Variants in CNTN5 observed in about 807,000 individuals in gnomAD.
CNTN5 encodes the protein contactin-5.
CNTN5 carries 77 observed loss-of-function variants against 129.1 expected under a neutral mutation model. That is an observed-to-expected ratio of 0.60 (90% CI 0.50 to 0.72). The LOEUF (loss-of-function observed/expected upper bound fraction) is 0.72, where lower values mean the gene tolerates loss of function less well. Ranked by LOEUF, CNTN5 falls within the 30% of genes least tolerant of loss-of-function variation. CNTN5 has a pLI of 0.00. For missense variants in CNTN5, 1,478 were observed against 1,328.8 expected (o/e 1.11, Z -1.75); for synonymous variants, 509 against 465.6 (o/e 1.09, Z -1.20).
chr11:99,711,348 G>A (rs1210759357), intron 3 of CNTN5, among the ~76,000 whole-genome samples: 2 of 151,786 alleles, frequency 1.3e-5, no homozygotes, highest in Non-Finnish European at 2.9e-5. Flanking sequence ...GTTATTCATG[G>A]TTTAATCACA....
intron 2 of CNTN5, among the ~76,000 whole-genome samples, chr11:99,335,550 A>C (rs1866185460): frequency 6.6e-6 from 1 of 151,986 alleles, no homozygotes; most frequent in African/African-American, 2.4e-5. Flanking sequence ...GAATGGAGAA[A>C]AGTCGAGAAA....
intron 3 of CNTN5, among the ~76,000 whole-genome samples, chr11:99,729,024 A>T (rs1943442209): frequency 6.6e-6 from 1 of 152,192 alleles, no homozygotes; most frequent in African/African-American, 2.4e-5. Flanking sequence ...TAATAGGAGC[A>T]TGTCCTCTGG....
chr11:99,376,234 C>G lies in CNTN5; in HGVS notation c.-71+50750C>G, dbSNP rs1284656185. On this transcript the variant is annotated intron_variant, in intron 2 of 24. Transcript: ENST00000524871. ...AGGGACCCAATGTATCAATGACCTT[C>G]TGCTGACAGAATCAACAATCCCAAA... Among the ~76,000 whole-genome samples the G allele has an allele frequency of 1.3e-5, 2 of 152,164 alleles. 1 individual carries two copies. The highest frequency in any genetic ancestry group is 4.8e-5 in the African/African-American group (2 of 41,440).
intron 2 of CNTN5, among the ~76,000 whole-genome samples, chr11:99,458,113 A>G (rs950878208): frequency 6.6e-6 from 1 of 151,962 alleles, no homozygotes; most frequent in Admixed American, 6.6e-5. Flanking sequence ...TTTGTATTGC[A>G]TCTGTTAATG....
intron 13 of CNTN5, among the ~76,000 whole-genome samples, chr11:100,102,958 T>C (rs1456488448): frequency 6.6e-6 from 1 of 152,160 alleles, no homozygotes; most frequent in Non-Finnish European, 1.5e-5. Context: ...ATATGAGAAT[T>C]CCTCCTACAA....
intron 1 of CNTN5, among the ~76,000 whole-genome samples, chr11:99,084,541 T>C (rs1865923000): frequency 6.6e-6 from 1 of 152,222 alleles, no homozygotes; most frequent in Admixed American, 6.5e-5. Context: ...TTACATGTTA[T>C]GTTTTCAGAC....
At chr11:99,669,390 A>AG (rs1357392316) in intron 3 of CNTN5, among the ~76,000 whole-genome samples, 1 of 152,042 alleles carries the variant, frequency 6.6e-6, no homozygotes, top group Non-Finnish European at 1.5e-5. Context: ...CAAACTAAAT[A>AG]GGAAAGCCTA....
intron 1 of CNTN5, among the ~76,000 whole-genome samples, chr11:99,149,844 A>G (rs1428975838): frequency 6.6e-6 from 1 of 152,086 alleles, no homozygotes; most frequent in Non-Finnish European, 1.5e-5. Flanking sequence ...CATAAGTAAT[A>G]GTAAATATTA....
intron 1 of CNTN5, among the ~76,000 whole-genome samples, chr11:99,126,219 A>G (rs1370334863): frequency 6.6e-6 from 1 of 152,210 alleles, no homozygotes; most frequent in Non-Finnish European, 1.5e-5. Flanking sequence ...TAATTAATCT[A>G]TTAGTGCCTT....
intron 4 of CNTN5, among the ~76,000 whole-genome samples, chr11:99,832,575 A>G (rs1947177187): frequency 6.6e-6 from 1 of 152,210 alleles, no homozygotes; most frequent in Non-Finnish European, 1.5e-5. Context: ...TAAGTTTCAT[A>G]AACTTCATTT....
chr11:100,249,726 C>T (rs78120035), intron 16 of CNTN5, among the ~76,000 whole-genome samples: 8 of 152,010 alleles, frequency 5.3e-5, no homozygotes, highest in African/African-American at 9.7e-5. Context: ...TTTAGGAGAA[C>T]CTTTCCTCCC....
intron 9 of CNTN5, among the ~76,000 whole-genome samples, chr11:100,015,766 T>G (rs772017301): frequency 6.6e-6 from 1 of 152,148 alleles, no homozygotes; most frequent in Non-Finnish European, 1.5e-5. Context: ...GACCCTATAT[T>G]AAAATTTCCA....
intron 6 of CNTN5, among the ~76,000 whole-genome samples, chr11:99,873,367 A>G (rs1948552468): frequency 6.6e-6 from 1 of 152,080 alleles, no homozygotes; most frequent in African/African-American, 2.4e-5. Context: ...ACTCAACAAG[A>G]AAAAAACTAA....
intron 9 of CNTN5, among the ~76,000 whole-genome samples, chr11:100,047,113 A>G (rs182290940): frequency 5.3e-5 from 8 of 152,252 alleles, no homozygotes; most frequent in Non-Finnish European, 7.4e-5. Flanking sequence ...ATACCAAGCT[A>G]TGAGTGTACA....
chr11:100,115,115 T>TAAAAAAAA (rs11388029), intron 13 of CNTN5, among the ~76,000 whole-genome samples: 179 of 77,830 alleles, frequency 2.3e-3, no homozygotes, highest in Middle Eastern at 0.011. Flanking sequence ...AGGTATACAG[T>TAAAAAAAA]AAAAAAAAAA....
chr11:100,093,091 T>G (rs932031573), intron 13 of CNTN5, among the ~76,000 whole-genome samples: 2 of 152,020 alleles, frequency 1.3e-5, no homozygotes, highest in African/African-American at 2.4e-5. Flanking sequence ...CTTTGAGTAT[T>G]GTCCCTGATC....
chr11:100,064,201 T>G lies in CNTN5; in HGVS notation c.1162+2808T>G, dbSNP rs537569335. 5.9e-5 allele frequency among the ~76,000 whole-genome samples: 9 copies of G among 152,312 alleles called. No homozygotes were observed. In the South Asian group the frequency reaches 1.9e-3, roughly 32 times the overall value. On this transcript the variant is annotated intron_variant, in intron 10 of 24. Coordinates refer to ENST00000524871, the MANE Select transcript of CNTN5 (RefSeq NM_014361.4). Reference sequence around the variant, plus strand: ...CAAACAGTCAGTATTCATGTAGTACTGAAAACAATGGTAGCACATTGTTTT... The same window carrying G: ...CAAACAGTCAGTATTCATGTAGTACGGAAAACAATGGTAGCACATTGTTTT...
intron 3 of CNTN5, among the ~76,000 whole-genome samples, chr11:99,654,228 T>C (rs1183708162): frequency 4.0e-5 from 6 of 151,606 alleles, no homozygotes; most frequent in Non-Finnish European, 8.8e-5. Context: ...ATGTCCACAG[T>C]AGCTGTGTGT....
At chr11:99,241,558 A>G (rs1861560668) in intron 1 of CNTN5, among the ~76,000 whole-genome samples, 1 of 152,090 alleles carries the variant, frequency 6.6e-6, no homozygotes, top group Non-Finnish European at 1.5e-5. Context: ...ATAAGGTTAC[A>G]TATACATATA....
Sources: gnomAD v4.1 joint callset for allele counts (sites outside exome capture counted in the v4.1 genomes callset) on GRCh38, gnomAD v4.1.1 for gene constraint, MANE v1.5 for transcripts, NCBI Gene and HGNC (gene_info 2026-07-23, HGNC 2026-07-21) for gene names.